Variants in HS2ST1 observed in about 807,000 individuals in gnomAD.
HS2ST1 encodes the protein 2-O-sulfotransferase.
Under a neutral mutation model 42.9 loss-of-function variants are expected in HS2ST1, and 18 were observed. That is an observed-to-expected ratio of 0.42 (90% confidence interval 0.29 to 0.62). The LOEUF (loss-of-function observed/expected upper bound fraction) is 0.62, where lower values mean the gene tolerates loss of function less well. Ranked by LOEUF, HS2ST1 falls within the 20% of genes least tolerant of loss-of-function variation. HS2ST1 has a pLI of 0.21. For synonymous variants in HS2ST1, 146 were observed against 152.9 expected (o/e 0.95, Z 0.33); for missense variants, 334 against 433.8 (o/e 0.77, Z 2.04).
intron 1 of HS2ST1, among the ~76,000 whole-genome samples, chr1:86,964,370 CTCTG>C (rs751082833): frequency 1.3e-4 from 20 of 152,360 alleles, no homozygotes; most frequent in South Asian, 6.2e-4. Flanking sequence ...ATGAACGAGA[CTCTG>C]TCTGCAATCC....
intron 1 of HS2ST1, chr1:86,934,311 T>C (rs1660600114): frequency 6.6e-6 from 1 of 152,194 alleles, no homozygotes; most frequent in African/African-American, 2.4e-5. Context: ...TTCTCTCCTA[T>C]TGGAAGCTAG....
intron 1 of HS2ST1, among the ~76,000 whole-genome samples, chr1:86,994,762 A>G (rs1649051111): frequency 6.6e-6 from 1 of 152,146 alleles, no homozygotes; most frequent in Non-Finnish European, 1.5e-5. Flanking sequence ...AATTTAATGA[A>G]CTAAAAAACA....
At chr1:86,915,894 G>C (rs1660144316) in intron 1 of HS2ST1, among the ~76,000 whole-genome samples, 1 of 152,206 alleles carries the variant, frequency 6.6e-6, no homozygotes, top group African/African-American at 2.4e-5. Context: ...CGGCAGTGTT[G>C]ATGTGAATTT....
In HS2ST1 at chr1:87,107,052, A is replaced by G. The variant is rs951444963; in HGVS notation, c.*2356A>G. The G allele has an allele frequency of 1.1e-4, 16 of 152,098 alleles. No individual in the cohort carries two copies. The highest frequency in any genetic ancestry group is 4.4e-5 in the Non-Finnish European group (3 of 67,926). 9.4% of individuals were successfully genotyped at this position (152,098 alleles called of 1,614,324 possible). On this transcript the variant is annotated 3_prime_UTR_variant, in exon 7 of 7. Transcript: ENST00000370550. ...AGACATTATGTAAACAAATGAGCACAGTTATGTTCCAATAAAACTTTATTT... is the reference window on the plus strand; with the variant it reads ...AGACATTATGTAAACAAATGAGCACGGTTATGTTCCAATAAAACTTTATTT...
intron 1 of HS2ST1, among the ~76,000 whole-genome samples, chr1:87,070,162 GCTT>G: frequency 6.6e-6 from 1 of 152,230 alleles, no homozygotes; most frequent in Non-Finnish European, 1.5e-5. Context: ...AACCTCTCAC[GCTT>G]CTGTCAGCGC....
intron 1 of HS2ST1, chr1:87,045,934 C>G (rs971468370): frequency 1.3e-5 from 9 of 706,972 alleles, no homozygotes; most frequent in South Asian, 5.4e-5. Flanking sequence ...CCTGATTGAT[C>G]TGGTTACTAT....
At chr1:87,036,216 G>C (rs1169835815) in intron 1 of HS2ST1, among the ~76,000 whole-genome samples, 1 of 152,124 alleles carries the variant, frequency 6.6e-6, no homozygotes, top group East Asian at 1.9e-4. Flanking sequence ...TGGGCATTTG[G>C]GTTGGTTCCA....
At chr1:87,077,327 T>C (rs1651571006) in intron 2 of HS2ST1, among the ~76,000 whole-genome samples, 1 of 152,224 alleles carries the variant, frequency 6.6e-6, no homozygotes, top group Non-Finnish European at 1.5e-5. Context: ...CACCAACTTC[T>C]TACCCACTAG....
intron 1 of HS2ST1, among the ~76,000 whole-genome samples, chr1:87,013,810 G>T (rs958095187): frequency 1.3e-5 from 2 of 152,130 alleles, no homozygotes; most frequent in Non-Finnish European, 2.9e-5. Flanking sequence ...ACACTTTGCT[G>T]CTTGGAAATT....
In HS2ST1 at chr1:87,086,634, C is replaced by T. The variant is rs140776018; in HGVS notation, c.449+2355C>T. ...ATGAACGCTCCTTTCTAGTTTAGCC[C>T]GACCACGAAGAAATACACATTATAT... On this transcript the variant is annotated intron_variant, in intron 3 of 6. Coordinates refer to ENST00000370550, the MANE Select transcript of HS2ST1 (RefSeq NM_012262.4). 5.4e-3 allele frequency among the ~76,000 whole-genome samples: 823 copies of T among 151,950 alleles called. 4 individuals carry two copies. The highest frequency in any genetic ancestry group is 0.024 in the Middle Eastern group (7 of 294).
chr1:86,982,278 A>G (rs1355764873), intron 1 of HS2ST1, among the ~76,000 whole-genome samples: 2 of 152,158 alleles, frequency 1.3e-5, no homozygotes, highest in African/African-American at 4.8e-5. Flanking sequence ...GTTCTCTGAC[A>G]TGCTCTAGAG....
chr1:86,987,243 A>T (rs557542965), intron 1 of HS2ST1, among the ~76,000 whole-genome samples: 7 of 151,358 alleles, frequency 4.6e-5, no homozygotes, highest in Admixed American at 2.0e-4. Context: ...CGCCGGGCTA[A>T]TTTTTGTATT....
chr1:87,073,676 G>A (rs567837018), intron 2 of HS2ST1, among the ~76,000 whole-genome samples: 31 of 152,196 alleles, frequency 2.0e-4, no homozygotes, highest in African/African-American at 7.0e-4. Flanking sequence ...AAATTCTCAC[G>A]AAGTTTTAGA....
At chr1:86,979,713 C>T (rs1191876463) in intron 1 of HS2ST1, among the ~76,000 whole-genome samples, 1 of 152,206 alleles carries the variant, frequency 6.6e-6, no homozygotes, top group Non-Finnish European at 1.5e-5. Context: ...CTTCTTTTGA[C>T]TGTAGACCCA....
At chr1:86,932,845 G>A (rs1024509436) in intron 1 of HS2ST1, among the ~76,000 whole-genome samples, 6 of 152,104 alleles carry the variant, frequency 3.9e-5, no homozygotes, top group East Asian at 1.9e-4. Flanking sequence ...TAATGTGCTC[G>A]TAAAATAATG....
chr1:86,963,631 G>A lies in HS2ST1; in HGVS notation c.124+48471G>A, dbSNP rs531006275. Among the ~76,000 whole-genome samples the A allele has an allele frequency of 1.2e-4, 18 of 151,952 alleles. No homozygotes were observed. The East Asian group carries it at 2.9e-3, about 24-fold the overall frequency. On this transcript the variant is annotated intron_variant, in intron 1 of 6. Coordinates refer to ENST00000370550, the MANE Select transcript of HS2ST1 (RefSeq NM_012262.4). ...TCCCCCTTTTCTATTCAACAAAACC[G>A]CCATCGTCATCATGGCCCGTTCTCA...
chr1:86,959,987 T>C (rs1403961727), intron 1 of HS2ST1, among the ~76,000 whole-genome samples: 1 of 152,148 alleles, frequency 6.6e-6, no homozygotes, highest in Non-Finnish European at 1.5e-5. Flanking sequence ...GGCAACACAA[T>C]ATTATAGGAG....
chr1:87,016,840 G>A (rs1397378365), intron 1 of HS2ST1, among the ~76,000 whole-genome samples: 4 of 147,788 alleles, frequency 2.7e-5, no homozygotes, highest in South Asian at 2.2e-4. Flanking sequence ...ATTTTTGACC[G>A]TCAGTTTCTT....
At chr1:87,098,668 A>G (rs966371209) in intron 5 of HS2ST1, among the ~76,000 whole-genome samples, 1 of 152,242 alleles carries the variant, frequency 6.6e-6, no homozygotes. Flanking sequence ...TCATAATAGT[A>G]TAAGAATTGG....
Sources: allele counts gnomAD v4.1 joint callset (sites outside exome capture counted in the v4.1 genomes callset), GRCh38; gene constraint gnomAD v4.1.1; transcripts MANE v1.5; gene names NCBI Gene and HGNC (gene_info 2026-07-23, HGNC 2026-07-21).